Variants in RICTOR observed in about 807,000 individuals in gnomAD.
The protein encoded by RICTOR is RPTOR independent companion of MTOR complex 2.
Under a neutral mutation model 214.9 loss-of-function variants are expected in RICTOR, and 49 were observed. The observed-to-expected ratio is 0.23, with a 90% CI of 0.18 to 0.29. RICTOR has a LOEUF of 0.29. RICTOR is among the 10% of genes least tolerant of loss of function. RICTOR has a pLI of 1.00. For missense variants in RICTOR, 1,625 were observed against 2,047.0 expected (o/e 0.79, Z 3.98); for synonymous variants, 717 against 711.3 (o/e 1.01, Z -0.13).
chr5:39,015,953 T>C (rs1468825547), intron 3 of RICTOR, among the ~76,000 whole-genome samples: 1 of 152,146 alleles, frequency 6.6e-6, no homozygotes, highest in Non-Finnish European at 1.5e-5. Flanking sequence ...TCTCCATCTG[T>C]TTCATCTAAA....
At chr5:39,004,297 T>A (rs940574832) in intron 3 of RICTOR, among the ~76,000 whole-genome samples, 5 of 152,126 alleles carry the variant, frequency 3.3e-5, no homozygotes, top group Non-Finnish European at 7.3e-5. Context: ...ATAATTTTTT[T>A]TTTTACATTG....
rs138549854 is a variant in RICTOR, at chr5:39,053,536, C to T, written c.97+20575G>A. Among the ~76,000 whole-genome samples the T allele has an allele frequency of 1.2e-3, 189 of 152,286 alleles. 2 individuals carry two copies. The highest frequency in any genetic ancestry group is 2.1e-3 in the Non-Finnish European group (145 of 68,038). On this transcript the variant is annotated intron_variant, in intron 2 of 37. Transcript: ENST00000357387. ...TTTAAAAAATATTTAGGATCTAGCA[C>T]AGTGCCTAGCACAAAAATAAATATT...
intron 2 of RICTOR, among the ~76,000 whole-genome samples, chr5:39,069,604 C>T (rs574987292): frequency 1.3e-5 from 2 of 152,324 alleles, no homozygotes; most frequent in Admixed American, 1.3e-4. Flanking sequence ...ATAAAATTCA[C>T]TGCATAGAGT....
At chr5:39,053,885 C>T (rs1176622948) in intron 2 of RICTOR, among the ~76,000 whole-genome samples, 1 of 114,910 alleles carries the variant, frequency 8.7e-6, no homozygotes, top group Non-Finnish European at 1.7e-5. Flanking sequence ...AGCGAGACTC[C>T]GTCTCAAAAA....
At chr5:39,052,663 T>C (rs978453167) in intron 2 of RICTOR, among the ~76,000 whole-genome samples, 7 of 152,202 alleles carry the variant, frequency 4.6e-5, no homozygotes, top group African/African-American at 1.4e-4. Flanking sequence ...GTGGGGATCC[T>C]GGGGAAGATT....
chr5:39,017,833 C>G lies in RICTOR; in HGVS notation c.195+3206G>C, dbSNP rs182768787. 4.5e-4 allele frequency among the ~76,000 whole-genome samples: 69 copies of G among 152,162 alleles called. 1 individual carries two copies. Among genetic ancestry groups the G allele is most frequent in the African/African-American group, 1.6e-3 (67 of 41,524 alleles). ...ATTTGGAAGGATTAAAACAGTACTG[C>G]TCAAACTTGAATGTACACATACATT... On this transcript the variant is annotated intron_variant, in intron 3 of 37. Transcript: ENST00000357387.
rs1747350737 is a variant in RICTOR at position 38,939,895 on chromosome 5, T to A, written c.*2409A>T. 4.4e-6 allele frequency: 1 copy of A among 227,564 alleles called. No homozygotes were observed. The highest frequency in any genetic ancestry group is 8.7e-6 in the Non-Finnish European group (1 of 114,444). 14.1% of individuals were successfully genotyped at this position (227,564 alleles called of 1,614,324 possible). ...ATTTTTAAACACTTAAGTTAATCAC[T>A]TGGCACTGCATGTATTTTTCACCAT... On this transcript the variant is annotated 3_prime_UTR_variant, in exon 38 of 38. Coordinates refer to ENST00000357387, the MANE Select transcript of RICTOR (RefSeq NM_152756.5).
At chr5:38,944,636 ATTTATT>A (rs1747971466) in intron 35 of RICTOR, 67 bp from the exon 36 acceptor site, 1 of 1,366,528 alleles carries the variant, frequency 7.3e-7, no homozygotes, top group Admixed American at 2.3e-5. Flanking sequence ...AACTCATGAA[ATTTATT>A]TTTAAACTTC....
chr5:39,018,144 T>A (rs1755105598), intron 3 of RICTOR, among the ~76,000 whole-genome samples: 1 of 152,130 alleles, frequency 6.6e-6, no homozygotes, highest in African/African-American at 2.4e-5. Context: ...GAATTGGCTG[T>A]CCAGCATTAC....
intron 2 of RICTOR, among the ~76,000 whole-genome samples, chr5:39,036,783 T>G (rs1417269305): frequency 9.2e-5 from 14 of 152,190 alleles, no homozygotes; most frequent in Non-Finnish European, 1.9e-4. Flanking sequence ...TAAATATATA[T>G]GCACCCAATA....
At chr5:39,011,064 A>T (rs1207884886) in intron 3 of RICTOR, among the ~76,000 whole-genome samples, 1 of 152,178 alleles carries the variant, frequency 6.6e-6, no homozygotes, top group Non-Finnish European at 1.5e-5. Flanking sequence ...TCTTCATGGC[A>T]GCCCCTCCCA....
chr5:38,948,305 A>G (rs543211883), intron 31 of RICTOR, among the ~76,000 whole-genome samples: 54 of 152,284 alleles, frequency 3.5e-4, no homozygotes, highest in African/African-American at 1.2e-3. Context: ...CACAAAAGAA[A>G]TGCTTTCTAA....
intron 2 of RICTOR, among the ~76,000 whole-genome samples, chr5:39,028,746 A>C (rs1171377469): frequency 6.6e-6 from 1 of 152,116 alleles, no homozygotes; most frequent in African/African-American, 2.4e-5. Flanking sequence ...AAATCAAAAG[A>C]ACAGAGCTGT....
intron 2 of RICTOR, among the ~76,000 whole-genome samples, chr5:39,057,044 A>G (rs1319370087): frequency 2.0e-5 from 3 of 152,328 alleles, no homozygotes; most frequent in Middle Eastern, 3.4e-3. Context: ...CTGAGAAAAG[A>G]GCAGGTGCTC....
At chr5:38,999,618 C>CA (rs1008164778) in intron 5 of RICTOR, among the ~76,000 whole-genome samples, 2 of 150,328 alleles carry the variant, frequency 1.3e-5, no homozygotes, top group Non-Finnish European at 3.0e-5. Context: ...TCAAAAGAAG[C>CA]AAAAAAAAGG....
chr5:38,994,111 A>G (rs1247780937), intron 6 of RICTOR, among the ~76,000 whole-genome samples: 1 of 151,816 alleles, frequency 6.6e-6, no homozygotes, highest in Non-Finnish European at 1.5e-5. Flanking sequence ...AATGGCTTGA[A>G]CCCGGGAGGT....
Position 38,959,204 on chromosome 5 carries a change from T to A in RICTOR, c.2169A>T (p.Ala723=). The part of the protein sequence containing the change: ...ARVILSKILT[A]ATDACRLYAT... Reference sequence around the variant, plus strand: ...GCTATGTTATACTCACATCAGTAGCTGCAGTTAAAATTTTGGAAAGGATGA... The same window carrying A: ...GCTATGTTATACTCACATCAGTAGCAGCAGTTAAAATTTTGGAAAGGATGA... Residue 723 remains alanine, a synonymous_variant, in exon 22 of 38, where the codon GCA becomes GCT. Transcript: ENST00000357387. 1 of 1,591,362 alleles carries A rather than the reference T, an allele frequency of 6.3e-7. No homozygotes were observed. The highest frequency in any genetic ancestry group is 8.6e-7 in the Non-Finnish European group (1 of 1,169,328).
At chr5:39,060,128 T>A (rs906652204) in intron 2 of RICTOR, among the ~76,000 whole-genome samples, 4 of 152,108 alleles carry the variant, frequency 2.6e-5, no homozygotes, top group Non-Finnish European at 5.9e-5. Context: ...CTACTATCCA[T>A]ATTACATACG....
At chr5:39,055,760 T>C (rs546942095) in intron 2 of RICTOR, among the ~76,000 whole-genome samples, 1 of 152,280 alleles carries the variant, frequency 6.6e-6, no homozygotes, top group South Asian at 2.1e-4. Flanking sequence ...GGGAAACTTT[T>C]TGTTGGTTAC....
Sources: allele counts gnomAD v4.1 joint callset (sites outside exome capture counted in the v4.1 genomes callset), GRCh38; gene constraint gnomAD v4.1.1; transcripts MANE v1.5; gene names NCBI Gene and HGNC (gene_info 2026-07-23, HGNC 2026-07-21).